TSPAN12: variants seen among roughly 807,000 people sequenced by gnomAD.
TSPAN12 encodes the protein tetraspanin-12.
In TSPAN12, 19 loss-of-function variants were observed where a neutral mutation model predicts 39.2. The ratio of observed to expected loss-of-function variants is 0.49; its 90% CI spans 0.34 to 0.71. TSPAN12 has a LOEUF of 0.71. TSPAN12 is among the 30% of genes least tolerant of loss of function. The pLI is 0.01. For missense variants in TSPAN12, 314 were observed against 359.9 expected (o/e 0.87, Z 1.03); for synonymous variants, 119 against 124.8 (o/e 0.95, Z 0.31).
intron 4 of TSPAN12, among the ~76,000 whole-genome samples, chr7:120,817,266 G>T (rs774394497): frequency 1.7e-4 from 26 of 152,046 alleles, no homozygotes; most frequent in Non-Finnish European, 3.2e-4. Flanking sequence ...GTATGTGTTT[G>T]TAATCCTAAC....
rs576966233 is a variant in TSPAN12 at position 120,817,352 on chromosome 7, G to A, written c.286-1549C>T. Among the ~76,000 whole-genome samples the A allele has an allele frequency of 1.2e-4, 18 of 152,086 alleles. No individual in the cohort carries two copies. The East Asian group carries it at 3.1e-3, about 26-fold the overall frequency. ...TGTAGTGAGCAATGATCATGTCACA[G>A]CACTTCAGCCTCGGGGACAGAGAGA... On this transcript the variant is annotated intron_variant, in intron 4 of 7. Coordinates refer to ENST00000222747, the MANE Select transcript of TSPAN12 (RefSeq NM_012338.4).
chr7:120,788,896 C>T lies in TSPAN12; in HGVS notation c.614G>A (p.Gly205Asp), dbSNP rs755620037. 3 of 1,613,976 alleles carry T rather than the reference C, an allele frequency of 1.9e-6. No individual in the cohort carries two copies. Among genetic ancestry groups the T allele is most frequent in the Admixed American group, 3.3e-5 (2 of 60,006 alleles). The change falls in exon 8 of 8, where the codon GGT becomes GAT. Residue 205 changes from glycine (G) to aspartate (D), a missense_variant and splice_region_variant. Transcript: ENST00000222747. ...AAAGGAATACATTTTCTTCCCACAACCCTGTAAAAGAAATACATGGTCAAC... is the reference window on the plus strand; with the variant it reads ...AAAGGAATACATTTTCTTCCCACAATCCTGTAAAAGAAATACATGGTCAAC... ...QEDLSDLYQE[G>D]CGKKMYSFLR...
In TSPAN12 at chr7:120,810,328, T is replaced by C. The variant is rs966685159; in HGVS notation, c.468+135A>G. On this transcript the variant is annotated intron_variant, in intron 6 of 7. Transcript: ENST00000222747. ...ACCTAAGATATTTTTCAAGAAATAA[T>C]TGCACCAGAGGTTACTGAATCACAG... 7 of 676,808 alleles carry C rather than the reference T, an allele frequency of 1.0e-5. No individual in the cohort carries two copies. In the East Asian group the frequency reaches 1.9e-4, roughly 19 times the overall value. 41.9% of individuals were successfully genotyped at this position (676,808 alleles called of 1,614,324 possible).
rs1791421784 is a variant in TSPAN12 at position 120,806,627 on chromosome 7, TG to T, written c.533del (p.Pro178GlnfsTer37). The T allele has an allele frequency of 6.2e-7, 1 of 1,613,494 alleles. No homozygotes were observed. The highest frequency in any genetic ancestry group is 1.3e-5 in the African/African-American group (1 of 74,880). Reference sequence around the variant, plus strand: ...GGAATTCTCTAACACAGCAGGAATCTGGGGGCCAGTCCATCTCTGTCATTTC... The same window carrying T: ...GGAATTCTCTAACACAGCAGGAATCTGGGGCCAGTCCATCTCTGTCATTTC... ...WLEMTEMDWP[P>X]DSCCVREFPG... is the part of the protein sequence containing the mutation. On this transcript the variant is annotated frameshift_variant, in exon 7 of 8. Coordinates refer to ENST00000222747, the MANE Select transcript of TSPAN12 (RefSeq NM_012338.4). LOFTEE classifies it high-confidence loss of function.
At chr7:120,795,816 A>C (rs1047819998) in intron 7 of TSPAN12, among the ~76,000 whole-genome samples, 8 of 152,358 alleles carry the variant, frequency 5.3e-5, no homozygotes, top group African/African-American at 1.9e-4. Flanking sequence ...CTGCAGGGAA[A>C]TAATGCTTCC....
At chr7:120,811,627 G>A (rs1330447762) in intron 5 of TSPAN12, among the ~76,000 whole-genome samples, 2 of 148,920 alleles carry the variant, frequency 1.3e-5, no homozygotes, top group South Asian at 4.3e-4. Flanking sequence ...CCGAGATCAC[G>A]CCACTGCACT....
At chr7:120,824,310 C>T (rs1397950325) in intron 4 of TSPAN12, among the ~76,000 whole-genome samples, 1 of 151,232 alleles carries the variant, frequency 6.6e-6, no homozygotes, top group Non-Finnish European at 1.5e-5. Flanking sequence ...GGCATGATGG[C>T]ACACCCCTAT....
chr7:120,820,362 GGGAAAATGCTTT>G (rs1185167096), intron 4 of TSPAN12, among the ~76,000 whole-genome samples: 2 of 152,056 alleles, frequency 1.3e-5, no homozygotes, highest in African/African-American at 4.8e-5. Context: ...TTTGATACAT[GGGAAAATGCTTT>G]GGAAAATGGA....
chr7:120,819,263 C>A (rs1215015339), intron 4 of TSPAN12, among the ~76,000 whole-genome samples: 1 of 152,048 alleles, frequency 6.6e-6, no homozygotes, highest in African/African-American at 2.4e-5. Context: ...TGAGGATAAC[C>A]ATGTAAATTT....
chr7:120,840,169 T>G, intron 2 of TSPAN12, 60 bp from the exon 3 acceptor site: 1 of 1,230,980 alleles, frequency 8.1e-7, no homozygotes, highest in Non-Finnish European at 1.2e-6. Flanking sequence ...ACTGCAGGAT[T>G]AATAATAGGA....
At chr7:120,816,858 G>A (rs1460072853) in intron 4 of TSPAN12, among the ~76,000 whole-genome samples, 1 of 152,112 alleles carries the variant, frequency 6.6e-6, no homozygotes, top group Non-Finnish European at 1.5e-5. Flanking sequence ...CATGAAGCGA[G>A]CAGCTGAACT....
At chr7:120,856,011 A>C (rs1206688812) in intron 2 of TSPAN12, among the ~76,000 whole-genome samples, 1 of 152,252 alleles carries the variant, frequency 6.6e-6, no homozygotes, top group Non-Finnish European at 1.5e-5. Flanking sequence ...TACTTTATTA[A>C]GATTTAAAGC....
chr7:120,796,241 AGTTAGAGGGT>A (rs1394491153), intron 7 of TSPAN12, among the ~76,000 whole-genome samples: 4 of 152,172 alleles, frequency 2.6e-5, no homozygotes, highest in Non-Finnish European at 5.9e-5. Context: ...ATCTATAAGA[AGTTAGAGGGT>A]GTTAAAACAA....
intron 4 of TSPAN12, among the ~76,000 whole-genome samples, chr7:120,832,825 A>G (rs1794412030): frequency 6.6e-6 from 1 of 152,168 alleles, no homozygotes; most frequent in African/African-American, 2.4e-5. Context: ...AAAAATGATA[A>G]CTACAGTAGA....
chr7:120,801,975 C>A (rs1052704756), intron 7 of TSPAN12, among the ~76,000 whole-genome samples: 2 of 152,138 alleles, frequency 1.3e-5, no homozygotes, highest in Non-Finnish European at 2.9e-5. Flanking sequence ...GAGCCCTGGT[C>A]CATGGGCAAG....
At chr7:120,828,126 A>G (rs1794324056) in intron 4 of TSPAN12, among the ~76,000 whole-genome samples, 1 of 152,216 alleles carries the variant, frequency 6.6e-6, no homozygotes. Context: ...GCATATTGTC[A>G]GAATTAAAGC....
At chr7:120,833,955 G>T (rs2116447392) in intron 4 of TSPAN12, among the ~76,000 whole-genome samples, 1 of 152,190 alleles carries the variant, frequency 6.6e-6, no homozygotes, top group East Asian at 1.9e-4. Context: ...ATGGGAGAAG[G>T]AATTTCTACT....
In TSPAN12 at chr7:120,788,653, A is replaced by C. The variant is rs755494434; in HGVS notation, c.857T>G (p.Ile286Ser). 6.2e-7 allele frequency: 1 copy of C among 1,614,146 alleles called. No individual in the cohort carries two copies. The highest frequency in any genetic ancestry group is 1.1e-5 in the South Asian group (1 of 91,078). The change falls in exon 8 of 8, where the codon ATC (isoleucine) becomes AGC (serine). Residue 286 changes from isoleucine (I) to serine (S), a missense_variant. Physicochemically the swap from Ile to Ser is moderately radical, Grantham distance 142. Transcript: ENST00000222747. ...GTTTGCCATGGATGTGTGTTCAAAGATTCTTGACAGGCTTGGTTTCAACAG... is the reference window on the plus strand; with the variant it reads ...GTTTGCCATGGATGTGTGTTCAAAGCTTCTTGACAGGCTTGGTTTCAACAG... ...VELLKPSLSRIFEHTSMANSF... is the reference protein window; with the variant it reads ...VELLKPSLSRSFEHTSMANSF...
chr7:120,854,984 G>A (rs913551018), intron 2 of TSPAN12, among the ~76,000 whole-genome samples: 5 of 152,182 alleles, frequency 3.3e-5, no homozygotes, highest in Admixed American at 6.5e-5. Flanking sequence ...AAGAAATAAC[G>A]TTTACATTCT....
Sources: allele counts gnomAD v4.1 joint callset (sites outside exome capture counted in the v4.1 genomes callset), GRCh38; gene constraint gnomAD v4.1.1; transcripts MANE v1.5; gene names NCBI Gene and HGNC (gene_info 2026-07-23, HGNC 2026-07-21).